The following TYW1 variants were observed in gnomAD, a reference collection of about 807,000 sequenced individuals.
TYW1 encodes tRNA-yW synthesizing protein 1 homolog.
Under a neutral mutation model 96.2 loss-of-function variants are expected in TYW1, and 46 were observed. The ratio of observed to expected loss-of-function variants is 0.48; its 90% confidence interval spans 0.38 to 0.61. TYW1 has a LOEUF of 0.61. Among genes scored for constraint, TYW1 ranks in the 20% least tolerant of loss-of-function variants. TYW1 has a pLI of 0.00. For missense variants in TYW1, 684 were observed against 909.6 expected (o/e 0.75, Z 3.19); for synonymous variants, 274 against 323.0 (o/e 0.85, Z 1.63).
At chr7:67,077,852 C>T (rs1194227761) in intron 10 of TYW1, among the ~76,000 whole-genome samples, 1 of 152,138 alleles carries the variant, frequency 6.6e-6, no homozygotes, top group Non-Finnish European at 1.5e-5. Context: ...TCTGTGTTTT[C>T]ACAGTATGTA....
chr7:67,074,167 G>A (rs1388875830), intron 10 of TYW1, among the ~76,000 whole-genome samples: 2 of 152,130 alleles, frequency 1.3e-5, no homozygotes, highest in South Asian at 2.1e-4. Flanking sequence ...TAGGGTGAGC[G>A]CTTGCAAGAC....
At chr7:67,058,204 G>A (rs1285611533) in intron 9 of TYW1, among the ~76,000 whole-genome samples, 2 of 152,210 alleles carry the variant, frequency 1.3e-5, no homozygotes, top group Non-Finnish European at 2.9e-5. Flanking sequence ...AAAGTGCTGA[G>A]GTTACAGGCG....
rs146263228 is a variant in TYW1 at position 67,035,898 on chromosome 7, C to T, written c.984+10876C>T. ...TTCACCGTGTTAGCCAGGATGGTCCCGATTTGCTGATCTTATGATCCGCCC... is the reference window on the plus strand; with the variant it reads ...TTCACCGTGTTAGCCAGGATGGTCCTGATTTGCTGATCTTATGATCCGCCC... On this transcript the variant is annotated intron_variant, in intron 7 of 15. Coordinates refer to ENST00000359626, the MANE Select transcript of TYW1 (RefSeq NM_018264.4). Among the ~76,000 whole-genome samples, 382 of 151,352 alleles carry T rather than the reference C, an allele frequency of 2.5e-3. 3 individuals are homozygous for T. The highest frequency in any genetic ancestry group is 5.8e-3 in the African/African-American group (239 of 41,428).
At chr7:67,186,857 C>T (rs537563522) in intron 14 of TYW1, among the ~76,000 whole-genome samples, 18 of 152,076 alleles carry the variant, frequency 1.2e-4, no homozygotes, top group African/African-American at 4.4e-4. Flanking sequence ...TTTGTCCTTG[C>T]ATTCAACAAT....
At chr7:67,226,102 G>A (rs1393833542) in intron 15 of TYW1, among the ~76,000 whole-genome samples, 1 of 152,156 alleles carries the variant, frequency 6.6e-6, no homozygotes, top group African/African-American at 2.4e-5. Context: ...CTGAGACAAT[G>A]AAAGAGATCT....
At chr7:67,181,001 A>T (rs180967521) in intron 13 of TYW1, among the ~76,000 whole-genome samples, 5,662 of 146,370 alleles carry the variant, frequency 0.039, 312 homozygotes, top group African/African-American at 0.13. Context: ...AATGTTGTGG[A>T]TTTTTTTTTT....
intron 11 of TYW1, among the ~76,000 whole-genome samples, chr7:67,086,087 T>C (rs1241936435): frequency 6.6e-6 from 1 of 152,204 alleles, no homozygotes; most frequent in Non-Finnish European, 1.5e-5. Context: ...TTTTGTACAT[T>C]TACAAAGAAG....
intron 9 of TYW1, among the ~76,000 whole-genome samples, chr7:67,061,154 G>T (rs11768286): frequency 1.3e-5 from 2 of 152,110 alleles, no homozygotes; most frequent in Non-Finnish European, 2.9e-5. Flanking sequence ...TTTGAACCCG[G>T]GAGGTGGAGG....
intron 13 of TYW1, among the ~76,000 whole-genome samples, chr7:67,180,624 T>C (rs142858164): frequency 0.038 from 5,497 of 143,026 alleles, 311 homozygotes; most frequent in African/African-American, 0.13. Flanking sequence ...TCCAACTAAA[T>C]AGAAATGCAT....
intron 2 of TYW1, 142 bp from the exon 3 acceptor site, chr7:66,998,675 A>G (rs1793274958): frequency 6.0e-6 from 6 of 1,000,346 alleles, no homozygotes; most frequent in South Asian, 1.7e-5. Context: ...GAGGAATACA[A>G]CCAGAAAGAT....
At position 67,183,769 on chromosome 7, in the gene TYW1, C is replaced by A. The variant is rs532776273; in HGVS notation, c.1809+533C>A. ...TTATATCATTTACCCAGAATTATTT[C>A]AGCATATATTCCTAAAAGATTTCTA... On this transcript the variant is annotated intron_variant, in intron 14 of 15. Transcript: ENST00000359626. 2.6e-5 allele frequency among the ~76,000 whole-genome samples: 4 copies of A among 152,230 alleles called. No homozygotes were observed. The South Asian group carries it at 8.3e-4, about 32-fold the overall frequency.
intron 13 of TYW1, among the ~76,000 whole-genome samples, chr7:67,139,483 A>G (rs942394329): frequency 6.6e-6 from 1 of 152,164 alleles, no homozygotes; most frequent in African/African-American, 2.4e-5. Context: ...ATGTACATAT[A>G]TGCTGTTGTC....
intron 12 of TYW1, among the ~76,000 whole-genome samples, chr7:67,100,273 A>T (rs1427622583): frequency 6.6e-6 from 1 of 151,988 alleles, no homozygotes; most frequent in Non-Finnish European, 1.5e-5. Flanking sequence ...CCTCTGGGGA[A>T]ATGATCTGTT....
At chr7:67,235,944 G>A (rs935470716) in intron 15 of TYW1, among the ~76,000 whole-genome samples, 17 of 149,858 alleles carry the variant, frequency 1.1e-4, no homozygotes, top group East Asian at 3.9e-4. Flanking sequence ...CTGGGCCCTC[G>A]CATGTCCTGG....
At chr7:67,130,065 CAG>C (rs1798018496) in intron 13 of TYW1, among the ~76,000 whole-genome samples, 2 of 150,608 alleles carry the variant, frequency 1.3e-5, no homozygotes, top group South Asian at 2.1e-4. Flanking sequence ...TTTTTGTTAA[CAG>C]AGTGTCATAT....
chr7:67,234,364 AAAGG>A (rs2116452529), intron 15 of TYW1, among the ~76,000 whole-genome samples: 1 of 151,136 alleles, frequency 6.6e-6, no homozygotes, highest in Non-Finnish European at 1.5e-5. Flanking sequence ...AAAAAAAAAA[AAAGG>A]AAGAAGAGAC....
intron 13 of TYW1, among the ~76,000 whole-genome samples, chr7:67,180,893 C>T (rs184845819): frequency 1.1e-4 from 16 of 152,290 alleles, no homozygotes; most frequent in Admixed American, 2.0e-4. Flanking sequence ...AGCCACCCAC[C>T]TCGGCCTCCC....
chr7:67,181,991 G>A (rs1169748191), intron 13 of TYW1, among the ~76,000 whole-genome samples: 1 of 152,012 alleles, frequency 6.6e-6, no homozygotes, highest in Non-Finnish European at 1.5e-5. Context: ...GCCACGCCTG[G>A]CTCATTTTTG....
intron 13 of TYW1, among the ~76,000 whole-genome samples, chr7:67,177,472 C>A (rs1401704151): frequency 6.6e-6 from 1 of 152,020 alleles, no homozygotes; most frequent in Non-Finnish European, 1.5e-5. Flanking sequence ...TATAACAGAG[C>A]TTTTCTTTCC....
Sources: gnomAD v4.1 joint callset for allele counts (sites outside exome capture counted in the v4.1 genomes callset) on GRCh38, gnomAD v4.1.1 for gene constraint, MANE v1.5 for transcripts, NCBI Gene and HGNC (gene_info 2026-07-23, HGNC 2026-07-21) for gene names.